The following SH3D19 variants were observed in gnomAD, a reference collection of about 807,000 sequenced individuals.
SH3D19 encodes the protein SH3 domain containing 19.
SH3D19 carries 58 observed loss-of-function variants against 112.1 expected under a neutral mutation model. That is an observed-to-expected ratio of 0.52 (90% CI 0.42 to 0.64). SH3D19 has a LOEUF of 0.64. SH3D19 is among the 30% of genes least tolerant of loss of function. The probability of loss-of-function intolerance (pLI) is 0.00; values close to 1 mark genes in which losing one functional copy is unlikely to be tolerated. For synonymous variants in SH3D19, 391 were observed against 448.5 expected, an observed-to-expected ratio of 0.87 and a Z score of 1.62; for missense variants, 1,090 against 1,263.4, an observed-to-expected ratio of 0.86 and a Z score of 2.08.
At chr4:151,133,539 C>T (rs1273830407) in intron 15 of SH3D19, among the ~76,000 whole-genome samples, 1 of 152,096 alleles carries the variant, frequency 6.6e-6, no homozygotes, top group African/African-American at 2.4e-5. Context: ...TATCCTTGGG[C>T]CACAGCAATC....
At chr4:151,264,877 T>C (rs546279815) in intron 1 of SH3D19, among the ~76,000 whole-genome samples, 8 of 152,074 alleles carry the variant, frequency 5.3e-5, no homozygotes, top group Non-Finnish European at 1.2e-4. Context: ...AGGATGCGGA[T>C]TAAAATACAA....
chr4:151,318,816 A>G (rs992770934), intron 1 of SH3D19, among the ~76,000 whole-genome samples: 2 of 152,238 alleles, frequency 1.3e-5, no homozygotes, highest in African/African-American at 4.8e-5. Flanking sequence ...GCCAGTGGTC[A>G]GCCAAAAAAT....
At chr4:151,227,101 C>T (rs1477394942) in intron 1 of SH3D19, among the ~76,000 whole-genome samples, 1 of 152,112 alleles carries the variant, frequency 6.6e-6, no homozygotes, top group Non-Finnish European at 1.5e-5. Context: ...ATACAGTTTT[C>T]TATAGTATCT....
chr4:151,185,687 G>A (rs2149846568), intron 3 of SH3D19, among the ~76,000 whole-genome samples: 1 of 152,182 alleles, frequency 6.6e-6, no homozygotes, highest in Middle Eastern at 3.4e-3. Flanking sequence ...ATATTTTTCT[G>A]TATTGTCAGC....
At chr4:151,160,962 A>G (rs1757050093) in intron 8 of SH3D19, among the ~76,000 whole-genome samples, 2 of 152,156 alleles carry the variant, frequency 1.3e-5, no homozygotes, top group Admixed American at 1.3e-4. Flanking sequence ...TGGTTTCCTT[A>G]TTCTTACAAG....
At chr4:151,257,595 T>C (rs1772032768) in intron 1 of SH3D19, among the ~76,000 whole-genome samples, 1 of 152,120 alleles carries the variant, frequency 6.6e-6, no homozygotes, top group African/African-American at 2.4e-5. Flanking sequence ...TTATTAATCA[T>C]CATCATCATC....
intron 1 of SH3D19, among the ~76,000 whole-genome samples, chr4:151,247,860 A>G (rs1055813655): frequency 1.3e-5 from 2 of 152,210 alleles, no homozygotes; most frequent in Non-Finnish European, 2.9e-5. Context: ...CAAATAGTAT[A>G]ATTTTCTTAT....
chr4:151,177,010 A>C (rs1256767026), intron 4 of SH3D19, 55 bp from the exon 5 acceptor site: 3 of 1,225,976 alleles, frequency 2.4e-6, no homozygotes, highest in African/African-American at 3.1e-5. Context: ...GCTATTGTCT[A>C]TCTATAAATG....
intron 2 of SH3D19, among the ~76,000 whole-genome samples, chr4:151,215,593 G>A (rs1200550655): frequency 1.3e-5 from 2 of 152,134 alleles, no homozygotes; most frequent in Non-Finnish European, 2.9e-5. Flanking sequence ...CAGGATTCCT[G>A]CCTTAAATGT....
chr4:151,133,262 TTAGAC>T lies in SH3D19; in HGVS notation c.2487-31_2487-27del, dbSNP rs1410682607. ...CTGAATGAAGAACACATTTTGTGGA[TTAGAC>T]TAGAGAGTGCTTTTAAAATGCTTAA... is the stretch of plus-strand genomic sequence containing the variant. On this transcript the variant is annotated intron_variant, in intron 15 of 19. Transcript: ENST00000604030. 8 of 1,602,412 alleles carry T rather than the reference TTAGAC, an allele frequency of 5.0e-6. No individual in the cohort carries two copies. The South Asian group carries it at 8.8e-5, about 18-fold the overall frequency.
chr4:151,283,426 T>A, intron 1 of SH3D19: 1 of 647,162 alleles, frequency 1.5e-6, no homozygotes, highest in Non-Finnish European at 2.6e-6. Context: ...CCTGGACAAA[T>A]CACTTAACTT....
At chr4:151,274,503 T>C (rs922645888) in intron 1 of SH3D19, among the ~76,000 whole-genome samples, 12 of 152,250 alleles carry the variant, frequency 7.9e-5, no homozygotes, top group African/African-American at 2.9e-4. Context: ...GTCTTGGGAG[T>C]CTGAACTGAA....
chr4:151,185,988 C>T (rs984524179), intron 3 of SH3D19, among the ~76,000 whole-genome samples: 5 of 152,096 alleles, frequency 3.3e-5, no homozygotes, highest in Non-Finnish European at 7.4e-5. Context: ...AGCAACGAGA[C>T]AAGATCGCGC....
At chr4:151,298,260 C>T (rs1295579033) in intron 1 of SH3D19, among the ~76,000 whole-genome samples, 3 of 140,250 alleles carry the variant, frequency 2.1e-5, no homozygotes, top group Non-Finnish European at 4.5e-5. Context: ...ACACTGCAAC[C>T]TCCGCCTCCC....
chr4:151,190,470 T>C (rs1024621421), intron 2 of SH3D19, among the ~76,000 whole-genome samples: 1 of 152,114 alleles, frequency 6.6e-6, no homozygotes, highest in Non-Finnish European at 1.5e-5. Flanking sequence ...AATGGTTTCA[T>C]GGGTTAGGCC....
rs796218861 is a variant in SH3D19 at position 151,146,522 on chromosome 4, T to TTTG, written c.2082+1397_2082+1399dup. On this transcript the variant is annotated intron_variant, in intron 11 of 19. Transcript: ENST00000604030. ...CAAAGTAGAGAACACATCAACTGTTTTTGTTGTTGTTGTTGTTGTTTTGTT... is the reference window on the plus strand; with the variant it reads ...CAAAGTAGAGAACACATCAACTGTTTTTGTTGTTGTTGTTGTTGTTGTTTTGTT... Among the ~76,000 whole-genome samples, 148 of 151,838 alleles carry TTTG rather than the reference T, an allele frequency of 9.7e-4. 1 individual carries two copies. Among genetic ancestry groups the TTTG allele is most frequent in the Admixed American group, 9.1e-3 (138 of 15,230 alleles).
chr4:151,283,138 T>C lies in SH3D19; in HGVS notation c.112+42103A>G, dbSNP rs564771751. 8.1e-6 allele frequency: 13 copies of C among 1,613,820 alleles called. No homozygotes were observed. The East Asian group carries it at 2.7e-4, about 33-fold the overall frequency. On this transcript the variant is annotated intron_variant, in intron 1 of 19. Transcript: ENST00000604030. ...ACAGATAGAGATTACCATTCTGCCC[T>C]TCAGGAAGCAGAAGTACCCATTATT...
At position 151,143,997 on chromosome 4, in the gene SH3D19, G is replaced by T; in HGVS notation, c.2136C>A (p.Cys712Ter). Residue 712 changes from cysteine (C) to a stop codon, truncating the protein, a stop_gained, in exon 12 of 20, where the codon TGC becomes TGA. Coordinates refer to ENST00000604030, the MANE Select transcript of SH3D19 (RefSeq NM_001378122.1). LOFTEE classifies it high-confidence loss of function. ...LKQTENNYLECQKGEDTGRVH... is the reference protein window; with the variant it reads ...LKQTENNYLE ...CTCTGCCAGTGTCTTCTCCCTTTTG[G>T]CACTCCAAGTAATTATTTTCCGTCT... 6.2e-7 allele frequency: 1 copy of T among 1,613,954 alleles called. No homozygotes were observed. Among genetic ancestry groups the T allele is most frequent in the Non-Finnish European group, 8.5e-7 (1 of 1,179,974 alleles).
chr4:151,252,087 A>G (rs1025622357), intron 1 of SH3D19, among the ~76,000 whole-genome samples: 3 of 152,072 alleles, frequency 2.0e-5, no homozygotes, highest in Non-Finnish European at 4.4e-5. Context: ...TCACCTTCCA[A>G]TTGGTGAGCT....
Sources: allele counts gnomAD v4.1 joint callset (sites outside exome capture counted in the v4.1 genomes callset), GRCh38; gene constraint gnomAD v4.1.1; transcripts MANE v1.5; gene names NCBI Gene and HGNC (gene_info 2026-07-23, HGNC 2026-07-21).